DYNC2H1: variants seen among roughly 807,000 people sequenced by gnomAD.
DYNC2H1 encodes the protein cytoplasmic dynein 2 heavy chain 1.
Under a neutral mutation model 570.0 loss-of-function variants are expected in DYNC2H1, and 410 were observed. The observed-to-expected ratio is 0.72, with a 90% CI of 0.66 to 0.78. The LOEUF (loss-of-function observed/expected upper bound fraction) is 0.78. Ranked by LOEUF, DYNC2H1 falls within the 30% of genes least tolerant of loss-of-function variation. DYNC2H1 has a pLI of 0.00. For synonymous variants in DYNC2H1, 1,688 were observed against 1,677.6 expected (o/e 1.01, Z -0.15); for missense variants, 4,865 against 5,046.4 (o/e 0.96, Z 1.09).
intron 84 of DYNC2H1, among the ~76,000 whole-genome samples, chr11:103,433,674 C>T (rs1333183538): frequency 1.2e-4 from 18 of 152,124 alleles, no homozygotes; most frequent in Admixed American, 3.9e-4. Context: ...ATACAACCGT[C>T]TCCTCCCAGA....
At chr11:103,320,196 TA>T (rs1938093219) in intron 80 of DYNC2H1, among the ~76,000 whole-genome samples, 1 of 152,144 alleles carries the variant, frequency 6.6e-6, no homozygotes, top group Non-Finnish European at 1.5e-5. Flanking sequence ...TGAAATAATA[TA>T]CAAGAAGTTC....
chr11:103,262,922 C>T (rs890785791), intron 70 of DYNC2H1, among the ~76,000 whole-genome samples: 4 of 151,312 alleles, frequency 2.6e-5, no homozygotes, highest in African/African-American at 2.4e-5. Context: ...AGAGTCAACA[C>T]CCATCGGTGT....
At chr11:103,270,774 T>A (rs532137625) in intron 70 of DYNC2H1, among the ~76,000 whole-genome samples, 14 of 152,188 alleles carry the variant, frequency 9.2e-5, no homozygotes, top group Non-Finnish European at 1.8e-4. Context: ...TCTCATCATG[T>A]TACTCAGAAT....
intron 73 of DYNC2H1, 148 bp from the exon 74 acceptor site, chr11:103,286,107 C>A: frequency 2.7e-6 from 3 of 1,099,716 alleles, no homozygotes; most frequent in Non-Finnish European, 3.9e-6. Flanking sequence ...GAGTTGCCAA[C>A]CTAGAAATAA....
intron 84 of DYNC2H1, among the ~76,000 whole-genome samples, chr11:103,409,299 A>T (rs1347312261): frequency 1.3e-5 from 2 of 152,020 alleles, no homozygotes; most frequent in African/African-American, 4.8e-5. Context: ...GTTTGATGTA[A>T]GCTTATGTGA....
At chr11:103,336,350 A>G (rs1337977510) in intron 82 of DYNC2H1, among the ~76,000 whole-genome samples, 7 of 152,190 alleles carry the variant, frequency 4.6e-5, no homozygotes, top group African/African-American at 9.6e-5. Flanking sequence ...ATTATTAACT[A>G]TAGTTTCCCT....
chr11:103,452,322 G>A (rs1005632136), intron 85 of DYNC2H1, among the ~76,000 whole-genome samples: 11 of 150,768 alleles, frequency 7.3e-5, no homozygotes, highest in Admixed American at 6.7e-4. Context: ...GGGTATCACT[G>A]ATACATTTGA....
chr11:103,467,541 G>A (rs1183580208), intron 87 of DYNC2H1, among the ~76,000 whole-genome samples: 1 of 151,284 alleles, frequency 6.6e-6, no homozygotes, highest in East Asian at 2.0e-4. Flanking sequence ...GTTTTGTTTT[G>A]TTTTGTTTTG....
In DYNC2H1 at chr11:103,204,774, C is replaced by G; in HGVS notation, c.8312-48C>G. The G allele has an allele frequency of 6.7e-7, 1 of 1,486,082 alleles. No homozygotes were observed. Among genetic ancestry groups the G allele is most frequent in the Non-Finnish European group, 9.1e-7 (1 of 1,097,982 alleles). 92.1% of individuals were successfully genotyped at this position (1,486,082 alleles called of 1,614,324 possible). ...AAAATTTTGATCTCTTTAACCCAGACCACGTATAGATTGCCTGATTGTATT... is the reference window on the plus strand; with the variant it reads ...AAAATTTTGATCTCTTTAACCCAGAGCACGTATAGATTGCCTGATTGTATT... On this transcript the variant is annotated intron_variant, in intron 51 of 88. Transcript: ENST00000375735. This position sits in a 1 kb window ranked among gnomAD's most constrained non-coding sequence, Gnocchi z 4.1.
intron 20 of DYNC2H1, among the ~76,000 whole-genome samples, chr11:103,150,134 G>A (rs1157299788): frequency 6.6e-6 from 1 of 152,188 alleles, no homozygotes; most frequent in Non-Finnish European, 1.5e-5. Flanking sequence ...GGAAAGAGAG[G>A]CAAGGGCCAG....
rs1945663248 is a variant in DYNC2H1 at position 103,479,122 on chromosome 11, G to A, written c.12793G>A (p.Glu4265Lys). 1 of 1,613,696 alleles carries A rather than the reference G, an allele frequency of 6.2e-7. No homozygotes were observed. Among genetic ancestry groups the A allele is most frequent in the Non-Finnish European group, 8.5e-7 (1 of 1,179,716 alleles). The change falls in exon 89 of 89, where the codon GAG becomes AAG. Residue 4265 changes from glutamate to lysine, a missense_variant. Transcript: ENST00000375735. Reference sequence around the variant, plus strand: ...TGCATGTGGTCCATATTCTCCGGATGAGTGCATCTCTTTGCCTGTTTACAC... The same window carrying A: ...TGCATGTGGTCCATATTCTCCGGATAAGTGCATCTCTTTGCCTGTTTACAC... ...QDACGPYSPD[E>K]CISLPVYTSA...
chr11:103,387,576 C>T (rs2135595909), intron 83 of DYNC2H1, among the ~76,000 whole-genome samples: 1 of 152,266 alleles, frequency 6.6e-6, no homozygotes, highest in Admixed American at 6.5e-5. Flanking sequence ...AGTCCTTGCC[C>T]ATGCCTATGT....
chr11:103,455,353 T>C (rs1393858237), intron 86 of DYNC2H1, 58 bp downstream of exon 86: 8 of 1,395,248 alleles, frequency 5.7e-6, no homozygotes, highest in African/African-American at 1.4e-5. Flanking sequence ...TTTTGCTTTA[T>C]TGACTTCCTA....
Position 103,176,897 on chromosome 11 carries a change from C to T in DYNC2H1, c.5874+463C>T, listed in dbSNP as rs575224212. Among the ~76,000 whole-genome samples, 3 of 151,818 alleles carry T rather than the reference C, an allele frequency of 2.0e-5. No individual in the cohort carries two copies. The South Asian group carries it at 6.2e-4, about 32-fold the overall frequency. ...ATTTTTATATTTTTAGTAGAGATGG[C>T]ATTTCACCATGTTGGCCAGGCTGGT... On this transcript the variant is annotated intron_variant, in intron 37 of 88. Coordinates refer to ENST00000375735, the MANE Select transcript of DYNC2H1 (RefSeq NM_001377.3).
chr11:103,378,976 T>C (rs1941522255), intron 83 of DYNC2H1, among the ~76,000 whole-genome samples: 1 of 152,250 alleles, frequency 6.6e-6, no homozygotes, highest in African/African-American at 2.4e-5. Flanking sequence ...GCATCTATTC[T>C]GTTTGATGCT....
Position 103,199,319 on chromosome 11 carries a change from T to C in DYNC2H1, c.7931T>C (p.Leu2644Pro). The change falls in exon 49 of 89, where the codon CTG (leucine) becomes CCG (proline). Residue 2644 changes from leucine (L) to proline (P), a missense_variant. Around this residue, in one of 5 missense-constraint regions of DYNC2H1, gnomAD observed 2,401 missense variants for 2,454.6 expected, o/e 0.98. Coordinates refer to ENST00000375735, the MANE Select transcript of DYNC2H1 (RefSeq NM_001377.3). The surrounding 1 kb of genome is among the most constrained non-coding windows in gnomAD (Gnocchi z 4.6). ...TATATGTCTAGGATAGATAGAGTGC[T>C]GAGTTTCCCTGGAGGTTCACTTCTA... ...LEYMSRIDRV[L>P]SFPGGSLLLA... 6.2e-7 allele frequency: 1 copy of C among 1,611,858 alleles called. No individual in the cohort carries two copies.
chr11:103,243,040 A>G lies in DYNC2H1; in HGVS notation c.9820-653A>G, dbSNP rs1449746319. Among the ~76,000 whole-genome samples, 1 of 152,066 alleles carries G rather than the reference A, an allele frequency of 6.6e-6. No homozygotes were observed. Among genetic ancestry groups the G allele is most frequent in the East Asian group, 1.9e-4 (1 of 5,194 alleles). ...GAATTTAATTAGTGCAGGATGTTCT[A>G]TAATGAATTTAGTTTTTAGTTCATT... On this transcript the variant is annotated intron_variant, in intron 63 of 88. Transcript: ENST00000375735. The surrounding 1 kb of genome is among the most constrained non-coding windows in gnomAD (Gnocchi z 4.8).
intron 17 of DYNC2H1, among the ~76,000 whole-genome samples, chr11:103,138,196 T>C (rs1460379908): frequency 6.6e-6 from 1 of 152,200 alleles, no homozygotes; most frequent in Non-Finnish European, 1.5e-5. Context: ...GACTTCCTCT[T>C]TCCCTAATTG....
chr11:103,140,151 G>A (rs1256543447), intron 17 of DYNC2H1, among the ~76,000 whole-genome samples: 1 of 152,090 alleles, frequency 6.6e-6, no homozygotes, highest in African/African-American at 2.4e-5. Context: ...ACACTGATGG[G>A]TCTTGACTCT....
Sources: allele counts gnomAD v4.1 joint callset (sites outside exome capture counted in the v4.1 genomes callset), GRCh38; gene constraint gnomAD v4.1.1; regional missense constraint gnomAD v4.1.1; non-coding constraint Gnocchi (gnomAD v3.1); transcripts MANE v1.5; gene names NCBI Gene and HGNC (gene_info 2026-07-23, HGNC 2026-07-21).